Variants in ZNF609 observed in about 807,000 individuals in gnomAD.
ZNF609 encodes the protein zinc finger protein 609.
Under a neutral mutation model 109.5 loss-of-function variants are expected in ZNF609, and 11 were observed. The ratio of observed to expected loss-of-function variants is 0.10; its 90% CI spans 0.06 to 0.17. The LOEUF (loss-of-function observed/expected upper bound fraction) is 0.17, where lower values mean the gene tolerates loss of function less well. Ranked by LOEUF, ZNF609 falls within the 10% of genes least tolerant of loss-of-function variation. ZNF609 has a pLI of 1.00. For synonymous variants in ZNF609, 646 were observed against 662.0 expected, an observed-to-expected ratio of 0.98 and a Z score of 0.37; for missense variants, 1,559 against 1,772.4, an observed-to-expected ratio of 0.88 and a Z score of 2.16.
intron 2 of ZNF609, among the ~76,000 whole-genome samples, chr15:64,600,754 C>T (rs997110599): frequency 6.6e-6 from 1 of 151,930 alleles, no homozygotes; most frequent in African/African-American, 2.4e-5. Context: ...AATGGCCTCT[C>T]TTAATTTTTA....
chr15:64,546,049 G>A (rs567804025), intron 2 of ZNF609, among the ~76,000 whole-genome samples: 1 of 152,242 alleles, frequency 6.6e-6, no homozygotes, highest in Non-Finnish European at 1.5e-5. Context: ...CACATGGTAA[G>A]TATATATTTA....
intron 2 of ZNF609, among the ~76,000 whole-genome samples, chr15:64,513,764 A>G (rs1018601858): frequency 6.6e-6 from 1 of 152,164 alleles, no homozygotes; most frequent in Non-Finnish European, 1.5e-5. Flanking sequence ...TGCTTATATT[A>G]TGAGAGGCAC....
chr15:64,530,342 G>A (rs1315916051), intron 2 of ZNF609, among the ~76,000 whole-genome samples: 1 of 152,172 alleles, frequency 6.6e-6, no homozygotes, highest in Non-Finnish European at 1.5e-5. Context: ...GTGTGACTTT[G>A]AGCATATTAC....
At chr15:64,543,255 C>CTTTTTTTTTTTTTTTTTTTTTTTTTTG (rs77646116) in intron 2 of ZNF609, among the ~76,000 whole-genome samples, 1 of 113,316 alleles carries the variant, frequency 8.8e-6, no homozygotes, top group African/African-American at 3.4e-5. Flanking sequence ...TTTGTTGTTG[C>CTTTTTTTTTTTTTTTTTTTTTTTTTTG]TTTTTTTTTT....
chr15:64,680,019 A>C (rs1045303975), intron 6 of ZNF609, among the ~76,000 whole-genome samples, 166 bp from the exon 7 acceptor site: 1 of 152,176 alleles, frequency 6.6e-6, no homozygotes. Context: ...TTTCCTGTAG[A>C]GCTCAGTAAA....
At chr15:64,505,866 A>C (rs1358363992) in intron 2 of ZNF609, among the ~76,000 whole-genome samples, 1 of 152,146 alleles carries the variant, frequency 6.6e-6, no homozygotes, top group African/African-American at 2.4e-5. Context: ...CTAAAAGCGT[A>C]AACTCTAGCC....
At chr15:64,560,656 G>T (rs1894661193) in intron 2 of ZNF609, among the ~76,000 whole-genome samples, 1 of 152,154 alleles carries the variant, frequency 6.6e-6, no homozygotes, top group Admixed American at 6.6e-5. Context: ...AAAAGATTTT[G>T]AAGTGGGATG....
chr15:64,622,776 C>G, intron 2 of ZNF609, 51 bp from the exon 3 acceptor site: 1 of 1,472,596 alleles, frequency 6.8e-7, no homozygotes, highest in Non-Finnish European at 9.5e-7. Flanking sequence ...AAGGTATTTC[C>G]TCTAAATGTT....
intron 2 of ZNF609, among the ~76,000 whole-genome samples, chr15:64,562,744 A>G (rs1023487825): frequency 4.6e-5 from 7 of 151,778 alleles, no homozygotes; most frequent in African/African-American, 1.7e-4. Context: ...GCCAGCCAAA[A>G]AAAAAAAATT....
chr15:64,646,060 G>A (rs1345427865), intron 3 of ZNF609, among the ~76,000 whole-genome samples: 1 of 152,130 alleles, frequency 6.6e-6, no homozygotes, highest in African/African-American at 2.4e-5. Context: ...GAAAACAGAT[G>A]TTCACACAAA....
Position 64,488,130 on chromosome 15 carries a change from T to C in ZNF609, c.-127-11163T>C, listed in dbSNP as rs538699929. Among the ~76,000 whole-genome samples the C allele has an allele frequency of 3.4e-3, 523 of 152,324 alleles. 4 individuals carry two copies. The highest frequency in any genetic ancestry group is 0.011 in the African/African-American group (475 of 41,566). On this transcript the variant is annotated intron_variant, in intron 1 of 9. Transcript: ENST00000326648. ...AAATGGTTAGGAATTTTAAGAAATA[T>C]GGAAGCTGCTTTGTTTTCTAAACTT...
rs1268162031 is a variant in ZNF609, at chr15:64,670,365, A to G, written c.993A>G (p.Val331=). Residue 331 remains valine, a synonymous_variant, in exon 4 of 10, where the codon GTA becomes GTG. Coordinates refer to ENST00000326648, the MANE Select transcript of ZNF609 (RefSeq NM_015042.2). The part of the protein sequence containing the change: ...ETEDGMLVVN[V]TWRNKTYVGT... The stretch of plus-strand genomic sequence containing the variant: ...TTCCAGGGATGTTGGTGGTAAATGT[A>G]ACGTGGAGGAACAAGACATATGTAG... The G allele has an allele frequency of 6.2e-7, 1 of 1,614,134 alleles. No homozygotes were observed. The highest frequency in any genetic ancestry group is 8.5e-7 in the Non-Finnish European group (1 of 1,179,962).
intron 1 of ZNF609, among the ~76,000 whole-genome samples, chr15:64,474,557 A>G (rs570151591): frequency 7.9e-5 from 12 of 152,070 alleles, no homozygotes; most frequent in Non-Finnish European, 1.6e-4. Flanking sequence ...TATTATTGCA[A>G]TAACCTCATG....
In ZNF609 at chr15:64,684,150, G is replaced by A. The variant is rs1456544346; in HGVS notation, c.*2464G>A. The A allele has an allele frequency of 6.6e-6, 1 of 152,202 alleles. No homozygotes were observed. Among genetic ancestry groups the A allele is most frequent in the Non-Finnish European group, 1.5e-5 (1 of 68,056 alleles). 9.4% of individuals were successfully genotyped at this position (152,202 alleles called of 1,614,324 possible). On this transcript the variant is annotated 3_prime_UTR_variant, in exon 10 of 10. Transcript: ENST00000326648. ...TGAAGCAGCAGCTGTGGAGATTCTT[G>A]ACAAGTGCTGAGTGAAAGATTTGCT...
intron 2 of ZNF609, among the ~76,000 whole-genome samples, chr15:64,538,170 C>G (rs147084643): frequency 6.6e-6 from 1 of 151,544 alleles, no homozygotes; most frequent in Admixed American, 6.6e-5. Context: ...TAATCTCTTT[C>G]CTTTGTTGCA....
At chr15:64,520,975 G>A (rs1893882920) in intron 2 of ZNF609, among the ~76,000 whole-genome samples, 1 of 152,184 alleles carries the variant, frequency 6.6e-6, no homozygotes, top group Non-Finnish European at 1.5e-5. Flanking sequence ...GGCCACTGAA[G>A]TTATTTCTGA....
At chr15:64,541,569 C>T (rs1245874261) in intron 2 of ZNF609, among the ~76,000 whole-genome samples, 1 of 151,088 alleles carries the variant, frequency 6.6e-6, no homozygotes, top group South Asian at 2.1e-4. Context: ...CGCCGGGTGC[C>T]GTGGCTCATG....
chr15:64,609,859 C>T (rs903343664), intron 2 of ZNF609, among the ~76,000 whole-genome samples: 37 of 150,492 alleles, frequency 2.5e-4, no homozygotes, highest in African/African-American at 8.3e-4. Flanking sequence ...AAAACCTCGT[C>T]TCTACTAAAA....
At chr15:64,680,552 G>A in intron 7 of ZNF609, 94 bp from the exon 8 acceptor site, 1 of 1,300,672 alleles carries the variant, frequency 7.7e-7, no homozygotes, top group Non-Finnish European at 1.1e-6. Flanking sequence ...GGCACCCTGG[G>A]CATCTCACTT....
Sources: allele counts gnomAD v4.1 joint callset (sites outside exome capture counted in the v4.1 genomes callset), GRCh38; gene constraint gnomAD v4.1.1; transcripts MANE v1.5; gene names NCBI Gene and HGNC (gene_info 2026-07-23, HGNC 2026-07-21).